Variants in ELAC2 observed in about 807,000 individuals in gnomAD.
ELAC2 encodes zinc phosphodiesterase ELAC protein 2.
ELAC2 carries 92 observed loss-of-function variants against 105.2 expected under a neutral mutation model. That is an observed-to-expected ratio of 0.87 (90% CI 0.74 to 1.04). The LOEUF (loss-of-function observed/expected upper bound fraction) is 1.04, where lower values mean the gene tolerates loss of function less well. Among genes scored for constraint, ELAC2 ranks in the 50% least tolerant of loss-of-function variants. The pLI is 0.00. For synonymous variants in ELAC2, 468 were observed against 409.1 expected (o/e 1.14, Z -1.74); for missense variants, 1,099 against 1,071.7 (o/e 1.03, Z -0.36).
Position 13,003,475 on chromosome 17 carries a change from A to C in ELAC2, c.1079+4T>G, listed in dbSNP as rs754172566. The C allele has an allele frequency of 6.2e-7, 1 of 1,614,078 alleles. No individual in the cohort carries two copies. The highest frequency in any genetic ancestry group is 2.2e-5 in the East Asian group (1 of 44,876). ...CCCAAGTGCCGCTGGGCTGGGCTCC[A>C]TACCTCTCCATCCACTGCTGGTACC... On this transcript the variant is annotated splice_donor_region_variant and intron_variant, in intron 12 of 23. Coordinates refer to ENST00000338034, the MANE Select transcript of ELAC2 (RefSeq NM_018127.7).
At chr17:12,995,091 T>C in intron 19 of ELAC2, 29 bp from the exon 20 acceptor site, 1 of 1,611,074 alleles carries the variant, frequency 6.2e-7, no homozygotes, top group Non-Finnish European at 8.5e-7. Context: ...TTTAAAATGA[T>C]AATAAACGTT....
intron 8 of ELAC2, among the ~76,000 whole-genome samples, chr17:13,006,701 T>G (rs1174806206): frequency 6.6e-6 from 1 of 152,216 alleles, no homozygotes; most frequent in Non-Finnish European, 1.5e-5. Flanking sequence ...CAAACTGCCA[T>G]GTAACATAAT....
At chr17:12,998,671 G>C (rs543082633) in intron 15 of ELAC2, among the ~76,000 whole-genome samples, 163 bp from the exon 16 acceptor site, 84 of 152,344 alleles carry the variant, frequency 5.5e-4, no homozygotes, top group African/African-American at 2.0e-3. Flanking sequence ...GGGCCTAGTG[G>C]AAGGCGTTTG....
rs368694405 is a variant in ELAC2 at position 13,017,689 on chromosome 17, G to T, written c.245+14C>A. 5 of 1,613,128 alleles carry T rather than the reference G, an allele frequency of 3.1e-6. No individual in the cohort carries two copies. In the African/African-American group the frequency reaches 5.3e-5, roughly 17 times the overall value. ...TGAGGGCCCAGCGGGACGGGGCGTG[G>T]CTCGTTGACTGACCGGTTGAACTCG... On this transcript the variant is annotated intron_variant, in intron 1 of 23. Coordinates refer to ENST00000338034, the MANE Select transcript of ELAC2 (RefSeq NM_018127.7).
At position 13,002,506 on chromosome 17, in the gene ELAC2, T is replaced by C. The variant is rs2040870765; in HGVS notation, c.1153A>G (p.Ile385Val). 1 of 1,606,774 alleles carries C rather than the reference T, an allele frequency of 6.2e-7. No homozygotes were observed. The highest frequency in any genetic ancestry group is 8.5e-7 in the Non-Finnish European group (1 of 1,176,086). Residue 385 changes from isoleucine (I) to valine (V), a missense_variant, in exon 13 of 24, where the codon ATT becomes GTT. Physicochemically the swap from Ile to Val is conservative, Grantham distance 29. Coordinates refer to ENST00000338034, the MANE Select transcript of ELAC2 (RefSeq NM_018127.7). ...TGGATGAGGTTGAGCTGGGTTTGAA[T>C]CTTGTGGCTGCGAAGGTTGTGAACT... ...ASVHNLRSHK[I>V]QTQLNLIHPD...
At chr17:13,013,765 C>G (rs576252780) in intron 5 of ELAC2, among the ~76,000 whole-genome samples, 1 of 152,170 alleles carries the variant, frequency 6.6e-6, no homozygotes, top group Admixed American at 6.6e-5. Context: ...AGCCCCCCTG[C>G]GCAGCTGGAG....
At chr17:12,997,221 G>A (rs959679891) in intron 16 of ELAC2, among the ~76,000 whole-genome samples, 2 of 152,136 alleles carry the variant, frequency 1.3e-5, no homozygotes, top group Non-Finnish European at 2.9e-5. Context: ...GGTGTCACTC[G>A]GGGTTTCTGA....
At position 13,017,920 on chromosome 17, in the gene ELAC2, A is replaced by C. The variant is rs2143698303; in HGVS notation, c.28T>G (p.Ser10Ala). The C allele has an allele frequency of 6.5e-7, 1 of 1,539,898 alleles. No homozygotes were observed. The highest frequency in any genetic ancestry group is 8.7e-7 in the Non-Finnish European group (1 of 1,146,928). MWALCSLLR[S>A]AAGRTMSQGR... The stretch of plus-strand genomic sequence containing the variant: ...TGCGACATGGTGCGTCCGGCCGCGG[A>C]CCGCAGCAGCGAGCAAAGCGCCCAC... The change falls in exon 1 of 24, where the codon TCC (serine) becomes GCC (alanine). Residue 10 changes from serine to alanine, a missense_variant. Ser to Ala is a moderately conservative substitution (Grantham distance 99). Coordinates refer to ENST00000338034, the MANE Select transcript of ELAC2 (RefSeq NM_018127.7).
At chr17:12,998,349 G>T in intron 16 of ELAC2, 63 bp downstream of exon 16, 1 of 1,469,654 alleles carries the variant, frequency 6.8e-7, no homozygotes, top group South Asian at 1.1e-5. Flanking sequence ...AGTACAGCAG[G>T]ACTTTTGTTT....
At chr17:13,002,931 C>T (rs1598227419) in intron 12 of ELAC2, among the ~76,000 whole-genome samples, 1 of 152,144 alleles carries the variant, frequency 6.6e-6, no homozygotes, top group East Asian at 1.9e-4. Flanking sequence ...TGGGGAGATA[C>T]GGGCAGGGGC....
intron 3 of ELAC2, 48 bp downstream of exon 3, chr17:13,016,814 T>A: frequency 2.0e-5 from 29 of 1,425,552 alleles, no homozygotes; most frequent in Non-Finnish European, 2.6e-5. Context: ...CCGGTTAAAA[T>A]CCCAGAGACT....
rs373195308 is a variant in ELAC2 at position 13,003,436 on chromosome 17, C to G, written c.1079+43G>C. Reference sequence around the variant, plus strand: ...GGGAGGAAAGGGGAATCCACCACTGCCCAGAAGAGTTACCCCAAGTGCCGC... The same window carrying G: ...GGGAGGAAAGGGGAATCCACCACTGGCCAGAAGAGTTACCCCAAGTGCCGC... On this transcript the variant is annotated intron_variant, in intron 12 of 23. Transcript: ENST00000338034. The G allele has an allele frequency of 3.2e-6, 5 of 1,575,988 alleles. No homozygotes were observed. In the East Asian group the frequency reaches 1.1e-4, roughly 35 times the overall value.
chr17:12,997,030 C>T (rs1384377984), intron 16 of ELAC2, among the ~76,000 whole-genome samples: 7 of 152,092 alleles, frequency 4.6e-5, no homozygotes, highest in Non-Finnish European at 1.0e-4. Context: ...TGGCCACAGC[C>T]TCTGTTGAAA....
At chr17:13,008,585 T>C (rs1346837725) in intron 8 of ELAC2, among the ~76,000 whole-genome samples, 2 of 151,818 alleles carry the variant, frequency 1.3e-5, no homozygotes, top group Admixed American at 1.3e-4. Flanking sequence ...ACTCAACCCA[T>C]GGAGATATGT....
At chr17:13,010,742 A>C in intron 7 of ELAC2, 71 bp from the exon 8 acceptor site, 1 of 1,348,914 alleles carries the variant, frequency 7.4e-7, no homozygotes, top group Non-Finnish European at 1.1e-6. Flanking sequence ...ACTGATTATG[A>C]CCCGATACCT....
chr17:13,002,599 G>A lies in ELAC2; in HGVS notation c.1080-20C>T, dbSNP rs371507910. On this transcript the variant is annotated intron_variant, in intron 12 of 23. Transcript: ENST00000338034. ...CCAAACCTGTGAAGAAACAGACCCG[G>A]CATTTGCAGCGTCTGTTAGGAGGCA... The A allele has an allele frequency of 6.9e-6, 11 of 1,585,180 alleles. 1 individual carries two copies. Among genetic ancestry groups the A allele is most frequent in the African/African-American group, 5.4e-5 (4 of 74,392 alleles).
At position 12,992,666 on chromosome 17, in the gene ELAC2, A is replaced by AC. The variant is rs1567737100; in HGVS notation, c.*151_*152insG. The AC allele has an allele frequency of 2.3e-6, 2 of 856,772 alleles. No individual in the cohort carries two copies. The highest frequency in any genetic ancestry group is 1.8e-6 in the Non-Finnish European group (1 of 547,464). The allele number at this position is 856,772 out of a possible 1,614,324, so 53.1% of individuals were successfully genotyped here. ...ATCTATAGACTAGTGCTTATGTGGGAGCCCAAGCCTCGGCACAGCTCCATA... is the reference window on the plus strand; with the variant it reads ...ATCTATAGACTAGTGCTTATGTGGGACGCCCAAGCCTCGGCACAGCTCCATA... On this transcript the variant is annotated 3_prime_UTR_variant, in exon 24 of 24. Transcript: ENST00000338034.
chr17:12,995,891 G>C lies in ELAC2; in HGVS notation c.1698+49C>G. 4 of 1,585,572 alleles carry C rather than the reference G, an allele frequency of 2.5e-6. No homozygotes were observed. The Middle Eastern group carries it at 5.0e-4, about 197-fold the overall frequency. On this transcript the variant is annotated intron_variant, in intron 18 of 23. Transcript: ENST00000338034. ...TGGAGTGCCAAGAGGCATGGCGGAT[G>C]ATGTGTAAACCGCTGAAACTCAGAA...
At chr17:13,002,798 G>T in intron 12 of ELAC2, 1 of 679,444 alleles carries the variant, frequency 1.5e-6, no homozygotes, top group Non-Finnish European at 2.5e-6. Context: ...GCTGGGAAGA[G>T]TGAGAGGAAA....
Sources: allele counts gnomAD v4.1 joint callset (sites outside exome capture counted in the v4.1 genomes callset), GRCh38; gene constraint gnomAD v4.1.1; transcripts MANE v1.5; gene names NCBI Gene and HGNC (gene_info 2026-07-23, HGNC 2026-07-21).